The following ATP7B variants were observed in gnomAD, a reference collection of about 807,000 sequenced individuals.
ATP7B encodes copper-transporting ATPase 2.
ATP7B carries 113 observed loss-of-function variants against 118.9 expected under a neutral mutation model. That is an observed-to-expected ratio of 0.95 (90% CI 0.82 to 1.11). The LOEUF (loss-of-function observed/expected upper bound fraction) is 1.11, where lower values mean the gene tolerates loss of function less well. Ranked by LOEUF, ATP7B falls within the 50% of genes most tolerant of loss-of-function variation. The pLI is 0.00. For missense variants in ATP7B, 1,867 were observed against 1,871.4 expected (o/e 1.00, Z 0.04); for synonymous variants, 777 against 727.4 (o/e 1.07, Z -1.10).
At chr13:51,962,898 C>A (rs915665261) in intron 5 of ATP7B, among the ~76,000 whole-genome samples, 1 of 151,944 alleles carries the variant, frequency 6.6e-6, no homozygotes, top group African/African-American at 2.4e-5. Context: ...TCGAGACCAG[C>A]CTGACAAACA....
chr13:51,963,177 G>T (rs1041629602), intron 5 of ATP7B, among the ~76,000 whole-genome samples: 1 of 152,080 alleles, frequency 6.6e-6, no homozygotes, highest in Non-Finnish European at 1.5e-5. Context: ...GCTGTTGACT[G>T]CATCAGTCTG....
Position 51,934,705 on chromosome 13 carries a change from C to T in ATP7B, c.*51G>A, listed in dbSNP as rs1040614293. ...TCCTGCTGCTGGCTGTCCTGCTCAG[C>T]TTGTGGTGAGTGGAGGCAAGTCCCT... On this transcript the variant is annotated 3_prime_UTR_variant, in exon 21 of 21. Coordinates refer to ENST00000242839, the MANE Select transcript of ATP7B (RefSeq NM_000053.4). The T allele has an allele frequency of 3.1e-6, 5 of 1,608,080 alleles. No homozygotes were observed. In the Admixed American group the frequency reaches 8.3e-5, roughly 27 times the overall value.
In ATP7B at chr13:51,974,472, C is replaced by G. The variant is rs192444554; in HGVS notation, c.748G>C (p.Gly250Arg). 6.2e-7 allele frequency: 1 copy of G among 1,614,000 alleles called. No homozygotes were observed. Among genetic ancestry groups the G allele is most frequent in the Admixed American group, 1.7e-5 (1 of 60,026 alleles). ...NQNFNNSETL[G>R]HQGSHVVTLQ... is the part of the protein sequence containing the mutation. ...GTGACCACATGGCTTCCTTGGTGCCCCAAGGTCTCAGAATTATTAAAATTC... is the reference window on the plus strand; with the variant it reads ...GTGACCACATGGCTTCCTTGGTGCCGCAAGGTCTCAGAATTATTAAAATTC... Residue 250 changes from glycine to arginine, a missense_variant, in exon 2 of 21, where the codon GGG (glycine) becomes CGG (arginine). Coordinates refer to ENST00000242839, the MANE Select transcript of ATP7B (RefSeq NM_000053.4).
chr13:52,003,538 A>G (rs1953624739), intron 1 of ATP7B, among the ~76,000 whole-genome samples: 2 of 152,230 alleles, frequency 1.3e-5, no homozygotes, highest in South Asian at 4.1e-4. Flanking sequence ...GAGAATTACC[A>G]AAATGTGGCA....
At position 52,011,298 on chromosome 13, in the gene ATP7B, C is replaced by T. The variant is rs773119230; in HGVS notation, c.40G>A (p.Ala14Thr). 1.2e-6 allele frequency: 2 copies of T among 1,614,114 alleles called. No individual in the cohort carries two copies. The highest frequency in any genetic ancestry group is 1.7e-5 in the Admixed American group (1 of 60,008). ...QERQITAREGASRKILSKLSL... is the reference protein window; with the variant it reads ...QERQITAREGTSRKILSKLSL... ...GGAACAAAACTCACTTTCCGACTGG[C>T]CCCTTCTCTGGCTGTGATCTGTCTC... The change falls in exon 1 of 21, where the codon GCC becomes ACC. Residue 14 changes from alanine (A) to threonine (T), a missense_variant. Transcript: ENST00000242839.
chr13:51,971,601 T>C (rs577139446), intron 2 of ATP7B, among the ~76,000 whole-genome samples: 51 of 152,366 alleles, frequency 3.3e-4, no homozygotes, highest in African/African-American at 1.0e-3. Context: ...TACCTTATAC[T>C]ATATTTCTTA....
At chr13:51,951,946 G>A (rs1958035174) in intron 9 of ATP7B, among the ~76,000 whole-genome samples, 2 of 152,222 alleles carry the variant, frequency 1.3e-5, no homozygotes, top group South Asian at 4.1e-4. Flanking sequence ...TTACTTGATG[G>A]CACTGGCCAA....
chr13:51,993,110 TA>T (rs1301912867), intron 1 of ATP7B, among the ~76,000 whole-genome samples: 4 of 152,006 alleles, frequency 2.6e-5, no homozygotes, highest in Admixed American at 2.6e-4. Flanking sequence ...ATATTTATTT[TA>T]AAAATATACA....
rs1957044307 is a variant in ATP7B, at chr13:51,937,555, A to G, written c.3824T>C (p.Leu1275Ser). ...GGCCACACCCATGTCTGCCTGGGCC[A>G]AGGCCGGGGAGTCATTGACCCCATC... ...VGDGVNDSPA[L>S]AQADMGVAIG... Residue 1275 changes from leucine to serine, a missense_variant, in exon 18 of 21, where the codon TTG becomes TCG. By Grantham distance (145) the Leu-to-Ser change is moderately radical. Transcript: ENST00000242839. 6.2e-7 allele frequency: 1 copy of G among 1,614,126 alleles called. No homozygotes were observed. Among genetic ancestry groups the G allele is most frequent in the Admixed American group, 1.7e-5 (1 of 60,008 alleles).
chr13:51,969,314 G>C (rs763338380), intron 3 of ATP7B, among the ~76,000 whole-genome samples: 1 of 152,054 alleles, frequency 6.6e-6, no homozygotes, highest in Non-Finnish European at 1.5e-5. Flanking sequence ...GGTCCATCCA[G>C]CTCCCAGGTG....
At position 51,946,323 on chromosome 13, in the gene ATP7B, G is replaced by A. The variant is rs1566484621; in HGVS notation, c.3021C>T (p.Ile1007=). The part of the protein sequence containing the change: ...VGTGVAAQNG[I]LIKGGKPLEM... ...CCAGGGGCTTGCCTCCCTTGATGAG[G>A]ATGCCGTTCTGCGCGGCCACCCCGG... The change falls in exon 13 of 21, where the codon ATC becomes ATT. Residue 1007 remains isoleucine, a synonymous_variant. Coordinates refer to ENST00000242839, the MANE Select transcript of ATP7B (RefSeq NM_000053.4). The A allele has an allele frequency of 1.2e-6, 2 of 1,604,012 alleles. No individual in the cohort carries two copies. The highest frequency in any genetic ancestry group is 1.7e-6 in the Non-Finnish European group (2 of 1,175,826).
intron 1 of ATP7B, chr13:51,979,048 A>G (rs1006819867): frequency 6.6e-6 from 1 of 152,312 alleles, no homozygotes; most frequent in Non-Finnish European, 1.5e-5. Flanking sequence ...TGGGGACCTC[A>G]CAGCTGGGGG....
rs774744497 is a variant in ATP7B at position 51,934,828 on chromosome 13, GC to G, written c.4325del (p.Ser1442ThrfsTer15). On this transcript the variant is annotated frameshift_variant, in exon 21 of 21. Transcript: ENST00000242839. LOFTEE classifies it high-confidence loss of function. Reference sequence around the variant, plus strand: ...TGTCCCCATCATCGTCTGCTGCAGCGCTGTGCCGAGATGGCTTGTCGGACGT... The same window carrying G: ...TGTCCCCATCATCGTCTGCTGCAGCGTGTGCCGAGATGGCTTGTCGGACGT... ...SLTSDKPSRH[S>X]AAADDDGDKW... The G allele has an allele frequency of 6.2e-7, 1 of 1,614,176 alleles. No individual in the cohort carries two copies. The highest frequency in any genetic ancestry group is 1.3e-5 in the African/African-American group (1 of 75,062).
chr13:51,965,714 G>C (rs1188395139), intron 4 of ATP7B, among the ~76,000 whole-genome samples: 2 of 152,200 alleles, frequency 1.3e-5, no homozygotes, highest in East Asian at 1.9e-4. Context: ...TCTGGACACA[G>C]GATGCTCGAG....
rs780671732 is a variant in ATP7B at position 51,974,638 on chromosome 13, G to A, written c.582C>T (p.Pro194=). Residue 194 remains proline (P), a synonymous_variant, in exon 2 of 21, where the codon CCC becomes CCT. Transcript: ENST00000242839. ...CATTTACATGGTCCCTGAGGTCTTC[G>A]GGCTGAATGAGATAAGGCTGATAAG... ...VITYQPYLIQ[P]EDLRDHVNDM... is the part of the protein sequence containing the mutation. 85 of 1,612,020 alleles carry A rather than the reference G, an allele frequency of 5.3e-5. 1 individual carries two copies. Among genetic ancestry groups the A allele is most frequent in the South Asian group, 5.2e-4 (47 of 91,002 alleles).
intron 1 of ATP7B, among the ~76,000 whole-genome samples, chr13:52,001,193 A>G (rs1480269676): frequency 1.3e-5 from 2 of 152,062 alleles, no homozygotes; most frequent in African/African-American, 4.8e-5. Flanking sequence ...AGCTCATCTC[A>G]CCTGCACTAT....
chr13:51,952,076 C>T (rs1340878893), intron 9 of ATP7B, among the ~76,000 whole-genome samples: 9 of 152,168 alleles, frequency 5.9e-5, no homozygotes, highest in Admixed American at 5.9e-4. Flanking sequence ...TGTGAAGGAA[C>T]AGAAAAACAG....
chr13:51,975,426 GA>G, intron 1 of ATP7B: 3 of 641,140 alleles, frequency 4.7e-6, no homozygotes, highest in Non-Finnish European at 2.9e-6. Flanking sequence ...AGACGTGGAG[GA>G]TTCTGAGGGA....
At chr13:52,011,632 T>A, upstream of ATP7B, 1 of 546,332 alleles carries the variant, frequency 1.8e-6, no homozygotes, top group Non-Finnish European at 3.3e-6. Flanking sequence ...CCTCGCCCAC[T>A]CCCCAGGTGG....
Sources: allele counts gnomAD v4.1 joint callset (sites outside exome capture counted in the v4.1 genomes callset), GRCh38; gene constraint gnomAD v4.1.1; transcripts MANE v1.5; gene names NCBI Gene and HGNC (gene_info 2026-07-23, HGNC 2026-07-21).